NLN: variants seen among roughly 807,000 people sequenced by gnomAD.
NLN encodes the protein neurolysin, also known as neurolysin, mitochondrial.
Under a neutral mutation model 79.9 loss-of-function variants are expected in NLN, and 64 were observed. That is an observed-to-expected ratio of 0.80 (90% CI 0.65 to 0.99). The LOEUF is 0.99. Among genes scored for constraint, NLN ranks in the 50% least tolerant of loss-of-function variants. The probability of loss-of-function intolerance (pLI) is 0.00; values close to 1 mark genes in which losing one functional copy is unlikely to be tolerated. For synonymous variants in NLN, 267 were observed against 296.6 expected (o/e 0.90, Z 1.02); for missense variants, 835 against 858.7 (o/e 0.97, Z 0.34).
intron 1 of NLN, among the ~76,000 whole-genome samples, chr5:65,745,585 C>A (rs1189487225): frequency 6.6e-6 from 1 of 152,094 alleles, no homozygotes; most frequent in African/African-American, 2.4e-5. Context: ...TGCATATAAA[C>A]TCTTGGTGTA....
At chr5:65,818,150 A>G (rs940050283) in intron 12 of NLN, among the ~76,000 whole-genome samples, 7 of 152,170 alleles carry the variant, frequency 4.6e-5, no homozygotes, top group African/African-American at 1.4e-4. Flanking sequence ...GAAGCAGTTC[A>G]TCTTCCTTTG....
intron 8 of NLN, among the ~76,000 whole-genome samples, chr5:65,789,594 T>C (rs2150762577): frequency 6.6e-6 from 1 of 152,270 alleles, no homozygotes; most frequent in African/African-American, 2.4e-5. Flanking sequence ...CTGGCCAATA[T>C]GGTGAAACCC....
intron 9 of NLN, among the ~76,000 whole-genome samples, chr5:65,801,473 C>T (rs910807894): frequency 2.0e-5 from 3 of 152,164 alleles, no homozygotes; most frequent in Admixed American, 6.5e-5. Context: ...CTTGAGAATT[C>T]GGTTGTTTGC....
At chr5:65,818,926 A>G (rs1209761150) in intron 12 of NLN, 1 of 152,200 alleles carries the variant, frequency 6.6e-6, no homozygotes, top group African/African-American at 2.4e-5. Flanking sequence ...AGGAGACCCA[A>G]TCTGTTTCCC....
At chr5:65,801,782 A>G (rs1395117806) in intron 9 of NLN, among the ~76,000 whole-genome samples, 1 of 150,326 alleles carries the variant, frequency 6.7e-6, no homozygotes, top group Non-Finnish European at 1.5e-5. Flanking sequence ...TATTTTATTC[A>G]GTTTTTACTC....
chr5:65,763,130 T>G (rs1179040782), intron 3 of NLN, 22 bp downstream of exon 3: 7 of 1,597,810 alleles, frequency 4.4e-6, no homozygotes, highest in Non-Finnish European at 6.0e-6. Flanking sequence ...TATAAATCCC[T>G]TTAAAGAGGG....
chr5:65,801,944 G>A (rs777280191), intron 9 of NLN, among the ~76,000 whole-genome samples: 19 of 152,112 alleles, frequency 1.2e-4, no homozygotes, highest in Admixed American at 1.3e-4. Context: ...ATACAAGCAG[G>A]ATATACAAAG....
chr5:65,762,019 A>G (rs1759350567), intron 2 of NLN, among the ~76,000 whole-genome samples: 1 of 152,216 alleles, frequency 6.6e-6, no homozygotes, highest in Admixed American at 6.5e-5. Context: ...TTTTTGTTCT[A>G]TAGTATTGGT....
At chr5:65,789,000 G>T (rs946225659) in intron 8 of NLN, among the ~76,000 whole-genome samples, 5 of 151,868 alleles carry the variant, frequency 3.3e-5, no homozygotes, top group African/African-American at 1.2e-4. Flanking sequence ...AATTAGCCAG[G>T]TGTGGTGTGC....
At chr5:65,793,114 A>G in intron 9 of NLN, 1 of 280,216 alleles carries the variant, frequency 3.6e-6, no homozygotes, top group Non-Finnish European at 6.9e-6. Context: ...AATTAAAATC[A>G]TAGATAATAT....
At chr5:65,751,371 G>T (rs1759097226) in intron 1 of NLN, among the ~76,000 whole-genome samples, 1 of 152,176 alleles carries the variant, frequency 6.6e-6, no homozygotes, top group Non-Finnish European at 1.5e-5. Flanking sequence ...AGATGGTGTT[G>T]CTTTAATGTT....
chr5:65,784,141 A>G (rs1358487469), intron 6 of NLN, among the ~76,000 whole-genome samples: 2 of 152,208 alleles, frequency 1.3e-5, no homozygotes, highest in Non-Finnish European at 2.9e-5. Context: ...GTGTGACCTC[A>G]GTGTGTGATT....
intron 9 of NLN, among the ~76,000 whole-genome samples, chr5:65,807,600 C>G (rs1760446443): frequency 6.6e-6 from 1 of 152,026 alleles, no homozygotes; most frequent in South Asian, 2.1e-4. Flanking sequence ...GCCACCATGC[C>G]TGGCTAATTT....
intron 11 of NLN, among the ~76,000 whole-genome samples, chr5:65,811,297 G>A (rs548442606): frequency 6.6e-6 from 1 of 152,182 alleles, no homozygotes; most frequent in African/African-American, 2.4e-5. Context: ...GCACCTTTGT[G>A]TCACAAGCCT....
intron 12 of NLN, among the ~76,000 whole-genome samples, chr5:65,815,049 C>T (rs1220839719): frequency 6.6e-6 from 1 of 152,046 alleles, no homozygotes; most frequent in Non-Finnish European, 1.5e-5. Context: ...TTTTAGAAGC[C>T]AGAAACAATG....
In NLN at chr5:65,810,179, A is replaced by G. The variant is rs541181104; in HGVS notation, c.1843+14A>G. ...CAGCTACTCCAGGTATGTAACTACT[A>G]TGAATTGAGTTCATTTCTCTGTGAA... is the stretch of plus-strand genomic sequence containing the variant. On this transcript the variant is annotated intron_variant, in intron 11 of 12. Transcript: ENST00000380985. 48 of 1,612,318 alleles carry G rather than the reference A, an allele frequency of 3.0e-5. 1 individual carries two copies. In the South Asian group the frequency reaches 4.8e-4, roughly 16 times the overall value.
rs369849170 is a variant in NLN, at chr5:65,822,801, C to T, written c.2001C>T (p.Asn667=). The T allele has an allele frequency of 6.2e-7, 1 of 1,611,782 alleles. No individual in the cohort carries two copies. The highest frequency in any genetic ancestry group is 1.3e-5 in the African/African-American group (1 of 74,966). The change falls in exon 13 of 13, where the codon AAC becomes AAT. Residue 667 remains asparagine, a synonymous_variant. Transcript: ENST00000380985. The stretch of plus-strand genomic sequence containing the variant: ...ATTAGGTTGGAATGAAATACAGAAA[C>T]CTAATCCTGAAACCTGGGGGATCTC... The part of the protein sequence containing the change: ...MNPEVGMKYR[N]LILKPGGSLD...
At chr5:65,723,814 CAA>C (rs760572199) in intron 1 of NLN, among the ~76,000 whole-genome samples, 33 of 55,318 alleles carry the variant, frequency 6.0e-4, no homozygotes, top group African/African-American at 1.5e-3. Flanking sequence ...GACTCCGTCT[CAA>C]AAAAAAAAAA....
intron 12 of NLN, among the ~76,000 whole-genome samples, chr5:65,814,301 G>A (rs1051742056): frequency 1.3e-5 from 2 of 151,910 alleles, no homozygotes; most frequent in Non-Finnish European, 2.9e-5. Flanking sequence ...TTATTCCTCT[G>A]TCTGTTCACA....
Sources: allele counts gnomAD v4.1 joint callset (sites outside exome capture counted in the v4.1 genomes callset), GRCh38; gene constraint gnomAD v4.1.1; transcripts MANE v1.5; gene names NCBI Gene and HGNC (gene_info 2026-07-23, HGNC 2026-07-21).